Variants in USP35 observed in about 807,000 individuals in gnomAD.
USP35 encodes the protein ubiquitin specific peptidase 35, also known as ubiquitin carboxyl-terminal hydrolase 35.
Under a neutral mutation model 83.8 loss-of-function variants are expected in USP35, and 69 were observed. That is an observed-to-expected ratio of 0.82 (90% confidence interval 0.68 to 1.01). USP35 has a LOEUF of 1.01. USP35 is among the 50% of genes least tolerant of loss of function. The pLI, the probability that USP35 is intolerant of heterozygous loss-of-function variation, is 0.00. For synonymous variants in USP35, 714 were observed against 589.5 expected, an observed-to-expected ratio of 1.21 and a Z score of -3.06; for missense variants, 1,503 against 1,362.5, an observed-to-expected ratio of 1.10 and a Z score of -1.62.
chr11:78,196,938 A>C lies in USP35; in HGVS notation c.673+20A>C. ...GCGCAGGTGCGTGTGCGGCCGGGGC[A>C]GGAGCGCGGGCATGCGGAGGTCCTG... On this transcript the variant is annotated intron_variant, in intron 2 of 10. Coordinates refer to ENST00000529308, the MANE Select transcript of USP35 (RefSeq NM_020798.4). This position sits in a 1 kb window ranked among gnomAD's most constrained non-coding sequence, Gnocchi z 4.8. 7.0e-7 allele frequency: 1 copy of C among 1,437,948 alleles called. No individual in the cohort carries two copies. The highest frequency in any genetic ancestry group is 9.1e-7 in the Non-Finnish European group (1 of 1,099,354). 89.1% of individuals were successfully genotyped at this position (1,437,948 alleles called of 1,614,324 possible). A position where few individuals can be genotyped will look rare whatever the true frequency, so the allele number is the denominator to read the frequency against.
Position 78,196,275 on chromosome 11 carries a change from G to T in USP35, c.30G>T (p.Thr10=). 1 of 1,595,578 alleles carries T rather than the reference G, an allele frequency of 6.3e-7. No individual in the cohort carries two copies. The highest frequency in any genetic ancestry group is 8.5e-7 in the Non-Finnish European group (1 of 1,177,836). The change falls in exon 2 of 11, where the codon ACG becomes ACT. Residue 10 remains threonine, a synonymous_variant. Coordinates refer to ENST00000529308, the MANE Select transcript of USP35 (RefSeq NM_020798.4). This position sits in a 1 kb window ranked among gnomAD's most constrained non-coding sequence, Gnocchi z 4.8. MDKILEAVV[T]SSYPVSVKQG... is the part of the protein sequence containing the mutation. ...ACAAGATCTTGGAGGCGGTGGTGAC[G>T]TCGTCATACCCGGTCAGCGTGAAGC...
At chr11:78,234,841 C>G in the USP35 span, among the ~76,000 whole-genome samples, 1 of 151,940 alleles carries the variant, frequency 6.6e-6, no homozygotes, top group Non-Finnish European at 1.5e-5. Flanking sequence ...GAAACCCCAC[C>G]TCTACTAAAA....
chr11:78,213,616 G>A, intron 10 of USP35, 30 bp from the exon 11 acceptor site: 1 of 972,370 alleles, frequency 1.0e-6, no homozygotes. Context: ...TGAATTCTAA[G>A]TCTAAGTCTC....
chr11:78,205,398 A>G (rs1863498912), intron 6 of USP35, among the ~76,000 whole-genome samples: 1 of 152,262 alleles, frequency 6.6e-6, no homozygotes, highest in African/African-American at 2.4e-5. Flanking sequence ...ACTGAATCAG[A>G]GAGCCTCGCC....
rs564347463 is a variant in USP35, at chr11:78,205,996, A to G, written c.1352A>G (p.Tyr451Cys). 6 of 1,614,208 alleles carry G rather than the reference A, an allele frequency of 3.7e-6. No homozygotes were observed. In the South Asian group the frequency reaches 4.4e-5, roughly 12 times the overall value. Residue 451 changes from tyrosine to cysteine, a missense_variant, in exon 7 of 11, where the codon TAT (tyrosine) becomes TGT (cysteine). Coordinates refer to ENST00000529308, the MANE Select transcript of USP35 (RefSeq NM_020798.4). Reference sequence around the variant, plus strand: ...CTCATCAACCTGGGCAACACATGCTATGTCAACAGCATCCTTCAGGCCTTA... The same window carrying G: ...CTCATCAACCTGGGCAACACATGCTGTGTCAACAGCATCCTTCAGGCCTTA... Reference protein sequence around the residue: ...IGLINLGNTCYVNSILQALFM... With the variant: ...IGLINLGNTCCVNSILQALFM...
chr11:78,215,014 C>T lies in USP35; in HGVS notation c.*1201C>T, dbSNP rs143579927. 6.0e-3 allele frequency among the ~76,000 whole-genome samples: 917 copies of T among 152,144 alleles called. 8 individuals carry two copies. The highest frequency in any genetic ancestry group is 0.021 in the African/African-American group (851 of 41,480). ...TGTGATGGTGGTGTGGAGTTTGGGC[C>T]CAATGTCACAGACCCTCAAGATGTC... On this transcript the variant is annotated 3_prime_UTR_variant, in exon 11 of 11. Coordinates refer to ENST00000529308, the MANE Select transcript of USP35 (RefSeq NM_020798.4).
chr11:78,220,576 T>C, the USP35 span: 1 of 641,810 alleles, frequency 1.6e-6, no homozygotes, highest in Non-Finnish European at 2.5e-6. Flanking sequence ...GCTAAGGACT[T>C]TTCATGTTTT....
the USP35 span, among the ~76,000 whole-genome samples, chr11:78,234,951 A>C: frequency 6.6e-6 from 1 of 151,880 alleles, no homozygotes; most frequent in African/African-American, 2.4e-5. Context: ...CGAAGGTTGC[A>C]ATGAGCTGAG....
intron 1 of USP35, among the ~76,000 whole-genome samples, chr11:78,195,352 C>T (rs1863113142): frequency 6.6e-6 from 1 of 152,008 alleles, no homozygotes; most frequent in African/African-American, 2.4e-5. Flanking sequence ...GTGGGGGCCT[C>T]AGGAGATAAG....
At chr11:78,201,150 T>C (rs985269831) in intron 6 of USP35, among the ~76,000 whole-genome samples, 1 of 152,226 alleles carries the variant, frequency 6.6e-6, no homozygotes, top group Admixed American at 6.5e-5. Flanking sequence ...GTTCTAGTGT[T>C]ACTTCCCTCA....
At chr11:78,215,632 A>T (rs949523843), downstream of USP35, 1 of 152,326 alleles carries the variant, frequency 6.6e-6, no homozygotes, top group African/African-American at 2.4e-5. Flanking sequence ...TCTAGATTTC[A>T]AGACACAAGT....
chr11:78,213,694 CCCA>C lies in USP35; in HGVS notation c.2940_2942del (p.Thr981del). ...CAGGGCGGCCTACATCTCTGCACTCCCCACATCTCCGCACTGGGGGAGGGGCTT... is the reference window on the plus strand; with the variant it reads ...CAGGGCGGCCTACATCTCTGCACTCCCATCTCCGCACTGGGGGAGGGGCTT... On this transcript the variant is annotated inframe_deletion, in exon 11 of 11. Coordinates refer to ENST00000529308, the MANE Select transcript of USP35 (RefSeq NM_020798.4). The C allele has an allele frequency of 6.5e-7, 1 of 1,527,218 alleles. No homozygotes were observed. Among genetic ancestry groups the C allele is most frequent in the Non-Finnish European group, 8.7e-7 (1 of 1,147,100 alleles). The allele number at this position is 1,527,218 out of a possible 1,614,324, so 94.6% of individuals were successfully genotyped here.
At chr11:78,226,874 G>A in the USP35 span, 15 of 1,613,984 alleles carry the variant, frequency 9.3e-6, no homozygotes, top group South Asian at 1.1e-5. Flanking sequence ...GGGGGAGGTC[G>A]TAGGTACTGT....
chr11:78,225,618 C>G, the USP35 span, among the ~76,000 whole-genome samples: 1 of 152,202 alleles, frequency 6.6e-6, no homozygotes. Context: ...ATGTCTTTAT[C>G]ATCTCAGTTC....
At chr11:78,203,977 G>A (rs1295780319) in intron 6 of USP35, among the ~76,000 whole-genome samples, 14 of 135,198 alleles carry the variant, frequency 1.0e-4, no homozygotes, top group Middle Eastern at 4.2e-3. Flanking sequence ...TGCAAGCTCC[G>A]CCTCCCGGGT....
intron 10 of USP35, among the ~76,000 whole-genome samples, chr11:78,211,413 T>C (rs999594669): frequency 2.3e-4 from 35 of 152,210 alleles, no homozygotes; most frequent in African/African-American, 8.4e-4. Flanking sequence ...GCAGTGAACA[T>C]ACATGTGCAT....
rs1225573684 is a variant in USP35, at chr11:78,209,781, G to A, written c.1926G>A (p.Arg642=). The change falls in exon 10 of 11, where the codon AGG becomes AGA. Residue 642 remains arginine (R), a synonymous_variant. Transcript: ENST00000529308. ...GGCCAGGCAGGGTGGGTCCTCGGAG[G>A]CAAAGGAAACACTGCATCACAGAGG... ...AQGPGRVGPR[R]QRKHCITEDT... is the part of the protein sequence containing the mutation. The A allele has an allele frequency of 1.9e-5, 30 of 1,613,958 alleles. No homozygotes were observed. The highest frequency in any genetic ancestry group is 2.5e-5 in the Non-Finnish European group (30 of 1,179,944).
In USP35 at chr11:78,196,842, G is replaced by T. The variant is rs1286595988; in HGVS notation, c.597G>T (p.Leu199=). ...LEQAQQVSGL[L]AQLWRAQPAA... is the part of the protein sequence containing the mutation. ...AGGCCCAGCAGGTGAGCGGGCTCCT[G>T]GCGCAGCTGTGGCGCGCACAGCCCG... is the stretch of plus-strand genomic sequence containing the variant. The change falls in exon 2 of 11, where the codon CTG becomes CTT. Residue 199 remains leucine (L), a synonymous_variant. Coordinates refer to ENST00000529308, the MANE Select transcript of USP35 (RefSeq NM_020798.4). This position sits in a 1 kb window ranked among gnomAD's most constrained non-coding sequence, Gnocchi z 4.8. The T allele has an allele frequency of 2.0e-6, 3 of 1,527,656 alleles. No individual in the cohort carries two copies. Among genetic ancestry groups the T allele is most frequent in the Non-Finnish European group, 2.6e-6 (3 of 1,142,214 alleles). The allele number at this position is 1,527,656 out of a possible 1,614,324, so 94.6% of individuals were successfully genotyped here.
Position 78,196,166 on chromosome 11 carries a change from C to G in USP35, c.-10-70C>G. 1 of 1,490,822 alleles carries G rather than the reference C, an allele frequency of 6.7e-7. No homozygotes were observed. Among genetic ancestry groups the G allele is most frequent in the East Asian group, 2.6e-5 (1 of 38,266 alleles). The allele number at this position is 1,490,822 out of a possible 1,614,324, so 92.3% of individuals were successfully genotyped here. A position where few individuals can be genotyped will look rare whatever the true frequency, so the allele number is the denominator to read the frequency against. ...GTTGCTTGCCCTAAGTCTCAGCACT[C>G]GGGGACTGCACCGGGAACTCTTGAG... On this transcript the variant is annotated intron_variant, in intron 1 of 10. Coordinates refer to ENST00000529308, the MANE Select transcript of USP35 (RefSeq NM_020798.4). The surrounding 1 kb of genome is among the most constrained non-coding windows in gnomAD (Gnocchi z 4.8).
Sources: allele counts gnomAD v4.1 joint callset (sites outside exome capture counted in the v4.1 genomes callset), GRCh38; gene constraint gnomAD v4.1.1; non-coding constraint Gnocchi (gnomAD v3.1); transcripts MANE v1.5; gene names NCBI Gene and HGNC (gene_info 2026-07-23, HGNC 2026-07-21).